The following DYNC2I1 variants were observed in gnomAD, a reference collection of about 807,000 sequenced individuals.
DYNC2I1 encodes the protein cytoplasmic dynein 2 intermediate chain 1.
In DYNC2I1, 89 loss-of-function variants were observed where a neutral mutation model predicts 133.4. That is an observed-to-expected ratio of 0.67 (90% CI 0.56 to 0.80). The LOEUF is 0.80. DYNC2I1 is among the 30% of genes least tolerant of loss of function. The probability of loss-of-function intolerance (pLI) is 0.00; values close to 1 mark genes in which losing one functional copy is unlikely to be tolerated. For missense variants in DYNC2I1, 1,291 were observed against 1,314.5 expected, an observed-to-expected ratio of 0.98 and a Z score of 0.28; for synonymous variants, 504 against 484.3, an observed-to-expected ratio of 1.04 and a Z score of -0.54.
At chr7:158,878,326 C>A (rs1476725316) in intron 4 of DYNC2I1, among the ~76,000 whole-genome samples, 2 of 144,950 alleles carry the variant, frequency 1.4e-5, no homozygotes, top group Non-Finnish European at 3.0e-5. Flanking sequence ...GGAGGGCCGA[C>A]TGTGAGTGCC....
intron 13 of DYNC2I1, among the ~76,000 whole-genome samples, chr7:158,914,000 A>G (rs766711229): frequency 6.6e-6 from 1 of 152,198 alleles, no homozygotes; most frequent in African/African-American, 2.4e-5. Flanking sequence ...GTGAGCCACC[A>G]TGCCTGGCCT....
At chr7:158,848,719 G>T in the DYNC2I1 span, among the ~76,000 whole-genome samples, 1,071 of 152,162 alleles carry the variant, frequency 7.0e-3, 7 homozygotes, top group Admixed American at 0.01. Context: ...GGTCAGGAGA[G>T]CGAGACCATT....
chr7:158,949,141 C>G (rs1214524421), downstream of DYNC2I1, among the ~76,000 whole-genome samples: 2 of 152,182 alleles, frequency 1.3e-5, no homozygotes, highest in Non-Finnish European at 1.5e-5. Context: ...AACAGCACCT[C>G]TGGCCTCCCA....
rs745805834 is a variant in DYNC2I1 at position 158,891,295 on chromosome 7, T to A, written c.1021T>A (p.Trp341Arg). The A allele has an allele frequency of 6.2e-7, 1 of 1,614,010 alleles. No individual in the cohort carries two copies. The highest frequency in any genetic ancestry group is 1.1e-5 in the South Asian group (1 of 91,084). The change falls in exon 8 of 25, where the codon TGG (tryptophan) becomes AGG (arginine). Residue 341 changes from tryptophan (W) to arginine (R), a missense_variant. Trp to Arg is a moderately radical substitution (Grantham distance 101). Coordinates refer to ENST00000407559, the MANE Select transcript of DYNC2I1 (RefSeq NM_018051.5). ...HGHEEGSSVW[W>R]KLDQRPGGEE... Reference sequence around the variant, plus strand: ...CCACGAGGAAGGCTCTTCTGTGTGGTGGAAGCTGGACCAGAGGCCGGGAGG... The same window carrying A: ...CCACGAGGAAGGCTCTTCTGTGTGGAGGAAGCTGGACCAGAGGCCGGGAGG...
At chr7:158,870,944 C>G (rs986291294) in intron 2 of DYNC2I1, among the ~76,000 whole-genome samples, 198 bp from the exon 3 acceptor site, 2 of 152,202 alleles carry the variant, frequency 1.3e-5, no homozygotes, top group East Asian at 3.8e-4. Context: ...CTAAGCTTGA[C>G]TCCATGTCCT....
chr7:158,884,334 C>A (rs921798350), intron 5 of DYNC2I1, among the ~76,000 whole-genome samples: 1 of 152,186 alleles, frequency 6.6e-6, no homozygotes, highest in African/African-American at 2.4e-5. Context: ...CGTGAGCCAC[C>A]GTGCCCAGCA....
intron 3 of DYNC2I1, among the ~76,000 whole-genome samples, chr7:158,875,907 G>T (rs1321438069): frequency 6.6e-6 from 1 of 152,206 alleles, no homozygotes; most frequent in African/African-American, 2.4e-5. Flanking sequence ...AAGGCTGTAT[G>T]AGTTTGGTCT....
chr7:158,927,307 G>A (rs1488623763), intron 20 of DYNC2I1, among the ~76,000 whole-genome samples: 1 of 151,922 alleles, frequency 6.6e-6, no homozygotes, highest in Non-Finnish European at 1.5e-5. Flanking sequence ...GGAGGCTAAG[G>A]TGGGAGGATT....
At chr7:158,889,999 C>T (rs1166872052) in intron 7 of DYNC2I1, among the ~76,000 whole-genome samples, 2 of 131,194 alleles carry the variant, frequency 1.5e-5, no homozygotes, top group East Asian at 4.7e-4. Flanking sequence ...GAGTGAGACT[C>T]CTTCTCAAAA....
Position 158,926,251 on chromosome 7 carries a change from C to T in DYNC2I1, c.2322C>T (p.Ser774=), listed in dbSNP as rs570844423. 4.0e-5 allele frequency: 64 copies of T among 1,613,544 alleles called. No homozygotes were observed. Among genetic ancestry groups the T allele is most frequent in the South Asian group, 3.9e-4 (35 of 90,874 alleles). ...PLQAVEPIST[S]VHKKQSFVLS... is the part of the protein sequence containing the mutation. ...AAGCAGTAGAACCTATCTCAACGTC[C>T]GTCCACAAAAAGCAGAGCTTTGTGC... Residue 774 remains serine, a synonymous_variant, in exon 18 of 25, where the codon TCC becomes TCT. Coordinates refer to ENST00000407559, the MANE Select transcript of DYNC2I1 (RefSeq NM_018051.5).
intron 14 of DYNC2I1, among the ~76,000 whole-genome samples, chr7:158,915,920 C>G (rs1395553343): frequency 2.8e-5 from 4 of 142,944 alleles, no homozygotes; most frequent in African/African-American, 5.3e-5. Context: ...CGTCGACACG[C>G]TGGTTGACAT....
chr7:158,911,313 A>G (rs1847448591), intron 11 of DYNC2I1, among the ~76,000 whole-genome samples: 1 of 152,178 alleles, frequency 6.6e-6, no homozygotes, highest in Non-Finnish European at 1.5e-5. Flanking sequence ...CGTGACACAC[A>G]CACGAGGCAG....
intron 20 of DYNC2I1, among the ~76,000 whole-genome samples, chr7:158,928,785 T>C (rs969985298): frequency 6.7e-6 from 1 of 150,106 alleles, no homozygotes; most frequent in African/African-American, 2.4e-5. Context: ...ATAGTCAGTC[T>C]CAGCACCAAC....
chr7:158,957,141 A>G (rs1332733169), downstream of DYNC2I1, among the ~76,000 whole-genome samples: 3 of 152,342 alleles, frequency 2.0e-5, no homozygotes, highest in East Asian at 5.8e-4. Flanking sequence ...GGGTTTTGCC[A>G]CCTTCTCTAA....
intron 1 of DYNC2I1, among the ~76,000 whole-genome samples, chr7:158,865,134 G>C (rs1191039543): frequency 6.6e-6 from 1 of 152,232 alleles, no homozygotes; most frequent in Non-Finnish European, 1.5e-5. Context: ...CATCTGGGCT[G>C]TGAGTGTCCT....
intron 15 of DYNC2I1, among the ~76,000 whole-genome samples, chr7:158,920,758 A>G (rs1420076538): frequency 1.3e-5 from 2 of 152,238 alleles, no homozygotes; most frequent in East Asian, 1.9e-4. Flanking sequence ...CAAGAGAGGC[A>G]TGAGACGGAG....
intron 11 of DYNC2I1, among the ~76,000 whole-genome samples, 196 bp from the exon 12 acceptor site, chr7:158,911,354 C>T (rs1329877819): frequency 6.6e-6 from 1 of 152,156 alleles, no homozygotes; most frequent in African/African-American, 2.4e-5. Context: ...ATGCCAAGGT[C>T]ACACACCAGG....
At chr7:158,866,941 C>G (rs981582034) in intron 1 of DYNC2I1, among the ~76,000 whole-genome samples, 1 of 150,446 alleles carries the variant, frequency 6.6e-6, no homozygotes, top group African/African-American at 2.4e-5. Flanking sequence ...TTTTTGTTTG[C>G]CCTAATTTTC....
At position 158,914,293 on chromosome 7, in the gene DYNC2I1, T is replaced by G. The variant is rs1384345051; in HGVS notation, c.1763T>G (p.Leu588Ter). Residue 588 changes from leucine to a stop codon, truncating the protein, a stop_gained, in exon 14 of 25, where the codon TTA (leucine) becomes TGA (stop). Coordinates refer to ENST00000407559, the MANE Select transcript of DYNC2I1 (RefSeq NM_018051.5). LOFTEE classifies it high-confidence loss of function. Reference sequence around the variant, plus strand: ...ATGCCAAAGATTGATACTCCAAGGTTATGTAGCTTTCTGCGGGCTGCTTGT... The same window carrying G: ...ATGCCAAAGATTGATACTCCAAGGTGATGTAGCTTTCTGCGGGCTGCTTGT... The part of the protein sequence containing the change: ...VVMPKIDTPR[L>*]CSFLRAACQV... 4 of 1,612,588 alleles carry G rather than the reference T, an allele frequency of 2.5e-6. No homozygotes were observed. Among genetic ancestry groups the G allele is most frequent in the Non-Finnish European group, 3.4e-6 (4 of 1,179,328 alleles).
Sources: allele counts gnomAD v4.1 joint callset (sites outside exome capture counted in the v4.1 genomes callset), GRCh38; gene constraint gnomAD v4.1.1; transcripts MANE v1.5; gene names NCBI Gene and HGNC (gene_info 2026-07-23, HGNC 2026-07-21).